The following PPP4R4 variants were observed in gnomAD, a reference collection of about 807,000 sequenced individuals.
The protein encoded by PPP4R4 is serine/threonine-protein phosphatase 4 regulatory subunit 4.
Under a neutral mutation model 121.8 loss-of-function variants are expected in PPP4R4, and 70 were observed. The ratio of observed to expected loss-of-function variants is 0.57; its 90% CI spans 0.47 to 0.70. The LOEUF (loss-of-function observed/expected upper bound fraction) is 0.70. PPP4R4 is among the 30% of genes least tolerant of loss of function. The pLI, the probability that PPP4R4 is intolerant of heterozygous loss-of-function variation, is 0.00. For synonymous variants in PPP4R4, 348 were observed against 355.7 expected (o/e 0.98, Z 0.24); for missense variants, 875 against 1,033.6 (o/e 0.85, Z 2.10).
intron 2 of PPP4R4, among the ~76,000 whole-genome samples, chr14:94,177,880 TAA>T (rs1224438561): frequency 1.3e-5 from 2 of 152,236 alleles, no homozygotes; most frequent in Non-Finnish European, 2.9e-5. Context: ...AAGAGAATTT[TAA>T]AAGAGATTCA....
chr14:94,261,907 T>A (rs2139633262), intron 19 of PPP4R4, among the ~76,000 whole-genome samples: 1 of 152,172 alleles, frequency 6.6e-6, no homozygotes, highest in Non-Finnish European at 1.5e-5. Flanking sequence ...TGGCAATGGT[T>A]TATTGTCCTT....
At chr14:94,203,073 C>G (rs1054475969) in intron 2 of PPP4R4, among the ~76,000 whole-genome samples, 1 of 152,076 alleles carries the variant, frequency 6.6e-6, no homozygotes, top group African/African-American at 2.4e-5. Context: ...TCTCTTTATC[C>G]AGTTTTCCCC....
chr14:94,212,092 T>G (rs769505452), intron 3 of PPP4R4, among the ~76,000 whole-genome samples: 7 of 152,218 alleles, frequency 4.6e-5, no homozygotes, highest in Non-Finnish European at 8.8e-5. Context: ...GTGCAGCTTT[T>G]AGAGCTCACT....
At chr14:94,215,828 A>G (rs12891125) in intron 3 of PPP4R4, among the ~76,000 whole-genome samples, 19,281 of 152,170 alleles carry the variant, frequency 0.13, 1,354 homozygotes, top group Admixed American at 0.21. Flanking sequence ...TTTTACATAT[A>G]TATCTATTTG....
At chr14:94,205,232 A>G (rs191743337) in intron 2 of PPP4R4, among the ~76,000 whole-genome samples, 3 of 152,260 alleles carry the variant, frequency 2.0e-5, no homozygotes, top group Admixed American at 2.0e-4. Context: ...TAATAGTTGT[A>G]GGAGCATTCA....
At position 94,188,095 on chromosome 14, in the gene PPP4R4, T is replaced by C. The variant is rs578199776; in HGVS notation, c.191+11968T>C. On this transcript the variant is annotated intron_variant, in intron 2 of 24. Transcript: ENST00000304338. ...ATGTGGTGGTACTTTTTTTTATAGA[T>C]ACCATTAGGTTAAGTTTCCTCTATT... 9.2e-5 allele frequency among the ~76,000 whole-genome samples: 14 copies of C among 152,302 alleles called. No individual in the cohort carries two copies. The South Asian group carries it at 2.7e-3, about 29-fold the overall frequency.
intron 23 of PPP4R4, 101 bp downstream of exon 23, chr14:94,267,130 AAAT>A: frequency 1.4e-6 from 1 of 699,752 alleles, no homozygotes. Context: ...GTGTTTTCTT[AAAT>A]CTAAATCTTT....
intron 14 of PPP4R4, among the ~76,000 whole-genome samples, chr14:94,249,583 A>T (rs546000412): frequency 2.6e-5 from 4 of 152,114 alleles, no homozygotes; most frequent in Non-Finnish European, 5.9e-5. Context: ...ATAAATGGCC[A>T]TATTTATTTA....
intron 23 of PPP4R4, among the ~76,000 whole-genome samples, chr14:94,273,455 G>A (rs1166379639): frequency 6.6e-6 from 1 of 152,132 alleles, no homozygotes; most frequent in Non-Finnish European, 1.5e-5. Context: ...TCAGGGGTTC[G>A]GGGGAAGGAG....
intron 18 of PPP4R4, 70 bp downstream of exon 18, chr14:94,258,894 T>C: frequency 7.4e-7 from 1 of 1,352,580 alleles, no homozygotes; most frequent in South Asian, 1.2e-5. Flanking sequence ...TACCCAAGAC[T>C]GGGCAATTTA....
At chr14:94,258,867 T>G in intron 18 of PPP4R4, 43 bp downstream of exon 18, 1 of 1,515,146 alleles carries the variant, frequency 6.6e-7, no homozygotes, top group Non-Finnish European at 9.1e-7. Context: ...TCCATTTTCA[T>G]GCTGCTGAAA....
At position 94,241,281 on chromosome 14, in the gene PPP4R4, T is replaced by G. The variant is rs115415329; in HGVS notation, c.976+486T>G. On this transcript the variant is annotated intron_variant, in intron 9 of 24. Transcript: ENST00000304338. Reference sequence around the variant, plus strand: ...ATAATGAACTCGTAACAATATATTATGAGTTTCTAGCTCCTTGAGATAGTT... The same window carrying G: ...ATAATGAACTCGTAACAATATATTAGGAGTTTCTAGCTCCTTGAGATAGTT... 5.2e-3 allele frequency among the ~76,000 whole-genome samples: 789 copies of G among 152,228 alleles called. 7 individuals are homozygous for G. Among genetic ancestry groups the G allele is most frequent in the African/African-American group, 0.017 (727 of 41,582 alleles).
intron 24 of PPP4R4, among the ~76,000 whole-genome samples, chr14:94,278,235 G>A (rs1484394729): frequency 1.3e-5 from 2 of 152,154 alleles, no homozygotes; most frequent in African/African-American, 4.8e-5. Context: ...AGGAATATTA[G>A]TGTCTTAAAG....
At chr14:94,253,872 G>A (rs1397999959) in intron 16 of PPP4R4, among the ~76,000 whole-genome samples, 1 of 152,194 alleles carries the variant, frequency 6.6e-6, no homozygotes, top group Non-Finnish European at 1.5e-5. Flanking sequence ...GGGTATAAAA[G>A]CCCTTGCTCA....
intron 2 of PPP4R4, among the ~76,000 whole-genome samples, chr14:94,200,533 A>G (rs1890116279): frequency 6.6e-6 from 1 of 152,116 alleles, no homozygotes; most frequent in African/African-American, 2.4e-5. Context: ...GTCTGTTCAG[A>G]GTTTCTATTT....
In PPP4R4 at chr14:94,275,903, A is replaced by C. The variant is rs554702886; in HGVS notation, c.2597+382A>C. 7.2e-5 allele frequency among the ~76,000 whole-genome samples: 11 copies of C among 152,310 alleles called. No individual in the cohort carries two copies. In the East Asian group the frequency reaches 1.2e-3, roughly 16 times the overall value. On this transcript the variant is annotated intron_variant, in intron 24 of 24. Transcript: ENST00000304338. ...CAGAAAGATTGGTAAAGCTGATGTC[A>C]CTTAAGAAATAAGTGGCAGCATGGA...
chr14:94,265,814 A>C lies in PPP4R4; in HGVS notation c.2305A>C (p.Lys769Gln). Residue 769 changes from lysine (K) to glutamine (Q), a missense_variant, in exon 22 of 25, where the codon AAA (lysine) becomes CAA (glutamine). Coordinates refer to ENST00000304338, the MANE Select transcript of PPP4R4 (RefSeq NM_058237.2). The stretch of plus-strand genomic sequence containing the variant: ...TCTAGGTAAAGAAATCAAGAAATCC[A>C]AACTGATTCGAAGCCAGTCTTTTAA... Reference protein sequence around the residue: ...PSTSKEIKKSKLIRSQSFNNQ... With the variant: ...PSTSKEIKKSQLIRSQSFNNQ... 6.2e-7 allele frequency: 1 copy of C among 1,606,886 alleles called. No individual in the cohort carries two copies. Among genetic ancestry groups the C allele is most frequent in the Non-Finnish European group, 8.5e-7 (1 of 1,175,744 alleles).
intron 2 of PPP4R4, among the ~76,000 whole-genome samples, chr14:94,176,952 G>A (rs1888711939): frequency 1.3e-5 from 2 of 151,420 alleles, no homozygotes; most frequent in African/African-American, 4.9e-5. Context: ...TTACCTCCTA[G>A]GATATTTGTC....
intron 21 of PPP4R4, 104 bp from the exon 22 acceptor site, chr14:94,265,690 C>A (rs1894010926): frequency 2.2e-6 from 2 of 927,054 alleles, no homozygotes; most frequent in African/African-American, 1.7e-5. Context: ...AGGCTAAAGC[C>A]ATCTGTGTTT....
Sources: gnomAD v4.1 joint callset for allele counts (sites outside exome capture counted in the v4.1 genomes callset) on GRCh38, gnomAD v4.1.1 for gene constraint, MANE v1.5 for transcripts, NCBI Gene and HGNC (gene_info 2026-07-23, HGNC 2026-07-21) for gene names.